AGMO: variants seen among roughly 807,000 people sequenced by gnomAD.
AGMO encodes the protein glyceryl-ether monooxygenase.
A neutral mutation model predicts 60.2 loss-of-function variants in AGMO; 75 were observed. The ratio of observed to expected loss-of-function variants is 1.25; its 90% CI spans 1.03 to 1.51. AGMO has a LOEUF of 1.51. Ranked by LOEUF, AGMO falls within the 40% of genes most tolerant of loss-of-function variation. The pLI, the probability that AGMO is intolerant of heterozygous loss-of-function variation, is 0.00. For synonymous variants in AGMO, 261 were observed against 177.1 expected (o/e 1.47, Z -3.76); for missense variants, 763 against 525.5 (o/e 1.45, Z -4.42).
chr7:15,529,666 T>TCTATATACAGAATATATATA (rs1784242575), intron 3 of AGMO, among the ~76,000 whole-genome samples: 1 of 12,358 alleles, frequency 8.1e-5, no homozygotes, highest in African/African-American at 2.1e-4. Flanking sequence ...CTATATATAT[T>TCTATATACAGAATATATATA]CTATATATAT....
intron 5 of AGMO, among the ~76,000 whole-genome samples, chr7:15,416,314 A>G (rs973155573): frequency 6.6e-6 from 1 of 152,056 alleles, no homozygotes; most frequent in Non-Finnish European, 1.5e-5. Flanking sequence ...GATTACAGAC[A>G]TGAGCTTCTG....
At chr7:15,289,923 G>A (rs1331107589) in intron 12 of AGMO, among the ~76,000 whole-genome samples, 1 of 129,278 alleles carries the variant, frequency 7.7e-6, no homozygotes, top group African/African-American at 2.9e-5. Context: ...ACATCCAAGA[G>A]TATCATTTAT....
chr7:15,499,796 A>G (rs770642858), intron 3 of AGMO, among the ~76,000 whole-genome samples: 42 of 151,788 alleles, frequency 2.8e-4, no homozygotes, highest in Non-Finnish European at 5.0e-4. Context: ...ATGCAACTGT[A>G]AAAGAGATTA....
At chr7:15,140,446 A>G in the AGMO span, among the ~76,000 whole-genome samples, 8,784 of 152,246 alleles carry the variant, frequency 0.058, 356 homozygotes, top group African/African-American at 0.12. Context: ...AATAGAAAAT[A>G]TAGTGGTAAT....
At chr7:15,174,361 T>A in the AGMO span, among the ~76,000 whole-genome samples, 1 of 152,130 alleles carries the variant, frequency 6.6e-6, no homozygotes, top group Non-Finnish European at 1.5e-5. Context: ...TTGATCTGCA[T>A]GTACTATTTG....
chr7:15,408,084 A>T (rs966708000), intron 5 of AGMO, among the ~76,000 whole-genome samples: 34 of 151,838 alleles, frequency 2.2e-4, no homozygotes, highest in Non-Finnish European at 3.2e-4. Flanking sequence ...AGAATGTTTT[A>T]AAAAAGGTTA....
chr7:15,284,750 A>G (rs1309845602), intron 12 of AGMO, among the ~76,000 whole-genome samples: 1 of 151,892 alleles, frequency 6.6e-6, no homozygotes. Context: ...TACCAACACT[A>G]GGAAAGTATA....
At chr7:15,288,728 G>T (rs1784170680) in intron 12 of AGMO, among the ~76,000 whole-genome samples, 1 of 149,800 alleles carries the variant, frequency 6.7e-6, no homozygotes, top group African/African-American at 2.5e-5. Context: ...GTGACTGAAT[G>T]TGTTATAGCA....
intron 12 of AGMO, among the ~76,000 whole-genome samples, chr7:15,203,162 T>C (rs539327986): frequency 6.6e-6 from 1 of 152,216 alleles, no homozygotes; most frequent in East Asian, 1.9e-4. Flanking sequence ...TATATAAAGT[T>C]TTCGGAGTAT....
At chr7:15,292,361 G>A (rs530482295) in intron 12 of AGMO, among the ~76,000 whole-genome samples, 6 of 152,274 alleles carry the variant, frequency 3.9e-5, no homozygotes, top group East Asian at 3.9e-4. Context: ...CCACAACTGA[G>A]AAGCAATTAC....
intron 5 of AGMO, chr7:15,395,933 TC>T (rs1247731224): frequency 6.6e-6 from 1 of 152,128 alleles, no homozygotes; most frequent in Non-Finnish European, 1.5e-5. Flanking sequence ...TGGCATCACA[TC>T]CCCTCTTGAA....
At chr7:15,277,465 T>C (rs564110938) in intron 12 of AGMO, among the ~76,000 whole-genome samples, 2 of 152,320 alleles carry the variant, frequency 1.3e-5, no homozygotes, top group East Asian at 3.9e-4. Flanking sequence ...AGAATTCTTA[T>C]GCTGATCCCT....
intron 3 of AGMO, among the ~76,000 whole-genome samples, chr7:15,466,352 AT>A (rs1367379723): frequency 6.6e-6 from 1 of 152,122 alleles, no homozygotes; most frequent in Admixed American, 6.6e-5. Context: ...GCTCGTAAGC[AT>A]TTTTTTGGTC....
chr7:15,489,755 G>A (rs1390319000), intron 3 of AGMO, among the ~76,000 whole-genome samples: 1 of 152,124 alleles, frequency 6.6e-6, no homozygotes, highest in East Asian at 1.9e-4. Flanking sequence ...TTGTTAACCC[G>A]ACATCATCTA....
intron 3 of AGMO, among the ~76,000 whole-genome samples, chr7:15,432,053 T>C (rs1372832236): frequency 6.6e-6 from 1 of 151,752 alleles, no homozygotes; most frequent in Non-Finnish European, 1.5e-5. Context: ...AAATCTGTTC[T>C]TAGCTAAAGT....
chr7:15,466,866 ACTGT>A (rs1460678404), intron 3 of AGMO, among the ~76,000 whole-genome samples: 1 of 152,140 alleles, frequency 6.6e-6, no homozygotes, highest in African/African-American at 2.4e-5. Context: ...CGTTAATTGT[ACTGT>A]CTGTCTTCTA....
chr7:15,272,137 CTTTT>C (rs140574892), intron 12 of AGMO, among the ~76,000 whole-genome samples: 1 of 151,024 alleles, frequency 6.6e-6, no homozygotes, highest in African/African-American at 2.4e-5. Context: ...CCCTTTTTTT[CTTTT>C]TTTTATTATA....
At chr7:15,348,080 G>A (rs2128552620) in intron 12 of AGMO, among the ~76,000 whole-genome samples, 1 of 152,110 alleles carries the variant, frequency 6.6e-6, no homozygotes, top group African/African-American at 2.4e-5. Context: ...TGTTTATCAT[G>A]TTATTGCCCC....
chr7:15,119,224 C>G, the AGMO span, among the ~76,000 whole-genome samples: 1 of 151,768 alleles, frequency 6.6e-6, no homozygotes, highest in Non-Finnish European at 1.5e-5. Flanking sequence ...ATCTCCTGCT[C>G]TGGCCATGTG....
Sources: gnomAD v4.1 joint callset for allele counts (sites outside exome capture counted in the v4.1 genomes callset) on GRCh38, gnomAD v4.1.1 for gene constraint, MANE v1.5 for transcripts, NCBI Gene and HGNC (gene_info 2026-07-23, HGNC 2026-07-21) for gene names.